ZNF516: variants seen among roughly 807,000 people sequenced by gnomAD.
The protein encoded by ZNF516 is zinc finger protein 516.
Under a neutral mutation model 79.7 loss-of-function variants are expected in ZNF516, and 19 were observed. The ratio of observed to expected loss-of-function variants is 0.24; its 90% CI spans 0.17 to 0.35. The LOEUF is 0.35. ZNF516 is among the 10% of genes least tolerant of loss of function. The pLI, the probability that ZNF516 is intolerant of heterozygous loss-of-function variation, is 1.00. For synonymous variants in ZNF516, 877 were observed against 739.5 expected, an observed-to-expected ratio of 1.19 and a Z score of -3.02; for missense variants, 1,678 against 1,679.5, an observed-to-expected ratio of 1.00 and a Z score of 0.02.
chr18:76,487,900 T>A, intron 1 of ZNF516: 2 of 983,976 alleles, frequency 2.0e-6, no homozygotes. Flanking sequence ...GTGGAAGGAC[T>A]GAGGATGAGA....
intron 3 of ZNF516, among the ~76,000 whole-genome samples, chr18:76,434,219 G>A (rs555656474): frequency 6.6e-6 from 1 of 151,586 alleles, no homozygotes; most frequent in East Asian, 1.9e-4. Flanking sequence ...TCTACAAAAA[G>A]GAACCCTTCC....
At chr18:76,383,051 A>AC (rs1391370426) in intron 3 of ZNF516, among the ~76,000 whole-genome samples, 8 of 151,406 alleles carry the variant, frequency 5.3e-5, no homozygotes, top group Non-Finnish European at 1.0e-4. Flanking sequence ...AAAAAAAAAA[A>AC]AAAAAAAAGC....
intron 4 of ZNF516, among the ~76,000 whole-genome samples, chr18:76,373,485 A>T (rs17267827): frequency 0.16 from 24,435 of 152,262 alleles, 2,357 homozygotes; most frequent in Non-Finnish European, 0.23. Context: ...TACAATCTAG[A>T]CTGCTTCTAC....
chr18:76,490,138 A>G (rs1250871400), intron 1 of ZNF516: 27 of 984,778 alleles, frequency 2.7e-5, no homozygotes, highest in Non-Finnish European at 3.3e-5. Flanking sequence ...TGTGAGTCTT[A>G]CACAGAATTC....
chr18:76,431,535 C>G (rs768395904), intron 3 of ZNF516, among the ~76,000 whole-genome samples: 6 of 152,206 alleles, frequency 3.9e-5, no homozygotes, highest in Non-Finnish European at 7.3e-5. Context: ...CCTCATGTTG[C>G]GACCGATTCC....
intron 3 of ZNF516, among the ~76,000 whole-genome samples, chr18:76,439,112 G>A (rs2075781244): frequency 6.6e-6 from 1 of 152,220 alleles, no homozygotes; most frequent in Non-Finnish European, 1.5e-5. Context: ...AAAATACCCA[G>A]TTTCTTTTCC....
At chr18:76,487,722 G>T (rs1599166873) in intron 1 of ZNF516, among the ~76,000 whole-genome samples, 1 of 152,030 alleles carries the variant, frequency 6.6e-6, no homozygotes, top group East Asian at 1.9e-4. Flanking sequence ...TGAGGGCAGA[G>T]GTCATTCCTC....
chr18:76,442,459 G>A lies in ZNF516; in HGVS notation c.596C>T (p.Pro199Leu), dbSNP rs547977019. The A allele has an allele frequency of 1.2e-6, 2 of 1,605,544 alleles. No individual in the cohort carries two copies. Among genetic ancestry groups the A allele is most frequent in the African/African-American group, 1.3e-5 (1 of 75,064 alleles). The change falls in exon 3 of 7, where the codon CCG becomes CTG. Residue 199 changes from proline (P) to leucine (L), a missense_variant. Pro to Leu is a moderately conservative substitution (Grantham distance 98). This residue lies in a region of ZNF516 where 279 missense variants were observed against 254.1 expected (regional missense o/e 1.10). Transcript: ENST00000443185. ...LELHVHQAHK[P>L]FKCRLCSYAT... Reference sequence around the variant, plus strand: ...GTAGCTGCACAGCCTGCACTTGAACGGCTTGTGCGCCTGGTGCACGTGCAG... The same window carrying A: ...GTAGCTGCACAGCCTGCACTTGAACAGCTTGTGCGCCTGGTGCACGTGCAG...
At chr18:76,369,732 C>T (rs758343260) in intron 6 of ZNF516, among the ~76,000 whole-genome samples, 39 of 152,006 alleles carry the variant, frequency 2.6e-4, no homozygotes, top group Non-Finnish European at 4.4e-4. Context: ...ACTCTCACGG[C>T]AAAGAAACTC....
intron 1 of ZNF516, among the ~76,000 whole-genome samples, chr18:76,482,705 G>A (rs1475859878): frequency 2.6e-5 from 4 of 152,184 alleles, no homozygotes; most frequent in Admixed American, 1.3e-4. Context: ...TGTATCAAAC[G>A]TGTGACCTTA....
rs1335534713 is a variant in ZNF516 at position 76,441,786 on chromosome 18, C to T, written c.1269G>A (p.Thr423=). The T allele has an allele frequency of 1.3e-6, 2 of 1,559,324 alleles. No homozygotes were observed. Among genetic ancestry groups the T allele is most frequent in the African/African-American group, 1.4e-5 (1 of 73,746 alleles). Residue 423 remains threonine (T), a synonymous_variant, in exon 3 of 7, where the codon ACG becomes ACA. Transcript: ENST00000443185. The stretch of plus-strand genomic sequence containing the variant: ...CGGCCGGCTCGGCCACCTTACCCCG[C>T]GTGGCCAGCTGCCAGGCCTGGTAGC... ...VNSYQAWQLA[T]RGKVAEPAEY... is the part of the protein sequence containing the mutation.
intron 3 of ZNF516, among the ~76,000 whole-genome samples, chr18:76,412,932 C>G (rs2075389135): frequency 1.3e-5 from 2 of 152,220 alleles, no homozygotes; most frequent in Admixed American, 1.3e-4. Context: ...CATAACCTAC[C>G]CGGAACCTAC....
intron 2 of ZNF516, among the ~76,000 whole-genome samples, chr18:76,460,053 G>T (rs1033490187): frequency 1.3e-5 from 2 of 152,138 alleles, no homozygotes; most frequent in Non-Finnish European, 2.9e-5. Flanking sequence ...AGAAAACACC[G>T]CACTGCATTT....
At chr18:76,489,238 T>C (rs1915014075) in intron 1 of ZNF516, among the ~76,000 whole-genome samples, 1 of 152,126 alleles carries the variant, frequency 6.6e-6, no homozygotes, top group South Asian at 2.1e-4. Context: ...ATACACTGAG[T>C]ACTGGTTTTT....
intron 3 of ZNF516, among the ~76,000 whole-genome samples, chr18:76,428,941 A>G (rs1266935723): frequency 6.6e-6 from 1 of 152,146 alleles, no homozygotes; most frequent in Non-Finnish European, 1.5e-5. Context: ...TCCTCCTGCC[A>G]TAGCTAGCCC....
At chr18:76,371,948 G>T (rs1049895395) in intron 4 of ZNF516, among the ~76,000 whole-genome samples, 2 of 152,216 alleles carry the variant, frequency 1.3e-5, no homozygotes, top group African/African-American at 4.8e-5. Flanking sequence ...ACAGAGACGA[G>T]GCTCATGGAA....
intron 3 of ZNF516, among the ~76,000 whole-genome samples, chr18:76,423,776 C>T (rs78795027): frequency 1.3e-5 from 2 of 149,130 alleles, no homozygotes; most frequent in African/African-American, 2.5e-5. Context: ...CCGAAACACA[C>T]GCAGGTGAAA....
intron 3 of ZNF516, among the ~76,000 whole-genome samples, chr18:76,389,967 G>GT (rs1351524837): frequency 6.6e-6 from 1 of 152,150 alleles, no homozygotes; most frequent in African/African-American, 2.4e-5. Context: ...ACATGAGGCA[G>GT]TATGTCTCCC....
At chr18:76,495,645 G>A (rs1915452173), upstream of ZNF516, 3 of 983,380 alleles carry the variant, frequency 3.1e-6, no homozygotes, top group African/African-American at 1.8e-5. Flanking sequence ...GGCTGCTGCA[G>A]CCCCGGCTCC....
Sources: allele counts gnomAD v4.1 joint callset (sites outside exome capture counted in the v4.1 genomes callset), GRCh38; gene constraint gnomAD v4.1.1; regional missense constraint gnomAD v4.1.1; transcripts MANE v1.5; gene names NCBI Gene and HGNC (gene_info 2026-07-23, HGNC 2026-07-21).